The following CXCR6 variants were observed in gnomAD, a reference collection of about 807,000 sequenced individuals.
The protein encoded by CXCR6 is C-X-C chemokine receptor type 6.
In CXCR6, 3 loss-of-function variants were observed where a neutral mutation model predicts 1.6. The ratio of observed to expected loss-of-function variants is 1.83; its 90% CI spans 0.83 to 4.72. CXCR6 has a LOEUF of 4.72. Among genes scored for constraint, CXCR6 ranks in the 30% most tolerant of loss-of-function variants. The pLI is 0.02. For missense variants in CXCR6, 326 were observed against 414.8 expected (o/e 0.79, Z 1.86); for synonymous variants, 171 against 159.2 (o/e 1.07, Z -0.56).
chr3:45,947,256 G>A lies in CXCR6; in HGVS notation c.775G>A (p.Glu259Lys). ...LMKFIRSTHW[E>K]YYAMTSFHYT... ...GAAGTTCATCCGCAGCACACACTGG[G>A]AATACTATGCCATGACCAGCTTTCA... The change falls in exon 2 of 2, where the codon GAA becomes AAA. Residue 259 changes from glutamate to lysine, a missense_variant. Transcript: ENST00000304552. 6.2e-7 allele frequency: 1 copy of A among 1,614,088 alleles called. No homozygotes were observed. The highest frequency in any genetic ancestry group is 1.6e-4 in the Middle Eastern group (1 of 6,062).
rs758002445 is a variant in CXCR6, at chr3:45,946,893, T to C, written c.412T>C (p.Tyr138His). 3 of 1,614,238 alleles carry C rather than the reference T, an allele frequency of 1.9e-6. No homozygotes were observed. Among genetic ancestry groups the C allele is most frequent in the South Asian group, 2.2e-5 (2 of 91,088 alleles). The part of the protein sequence containing the change: ...FIVVVKATKA[Y>H]NQQAKRMTWG... ...TGTAGTGGTTAAGGCCACCAAGGCC[T>C]ACAACCAGCAAGCCAAGAGGATGAC... Residue 138 changes from tyrosine (Y) to histidine (H), a missense_variant, in exon 2 of 2, where the codon TAC (tyrosine) becomes CAC (histidine). Coordinates refer to ENST00000304552, the MANE Select transcript of CXCR6 (RefSeq NM_006564.2).
chr3:45,942,894 T>A (rs1440271531), upstream of CXCR6, among the ~76,000 whole-genome samples: 2 of 152,186 alleles, frequency 1.3e-5, no homozygotes, highest in African/African-American at 4.8e-5. Flanking sequence ...GGCAGACCCA[T>A]CATCATGCTG....
chr3:45,946,323 A>T, intron 1 of CXCR6, 138 bp from the exon 2 acceptor site: 1 of 629,630 alleles, frequency 1.6e-6, no homozygotes, highest in Non-Finnish European at 2.8e-6. Flanking sequence ...AATATACTGG[A>T]CTGTGCTGTT....
chr3:45,943,910 T>A (rs1423922869), intron 1 of CXCR6, among the ~76,000 whole-genome samples: 1 of 152,180 alleles, frequency 6.6e-6, no homozygotes, highest in Non-Finnish European at 1.5e-5. Context: ...TTTTATCAGA[T>A]TATCATTTAT....
At position 45,947,572 on chromosome 3, in the gene CXCR6, T is replaced by C; in HGVS notation, c.*62T>C. ...GCAAGTCATGGCTGTGCCCTCTTGA[T>C]GTGGTGAGGCAGGCTTTGTTTATAG... On this transcript the variant is annotated 3_prime_UTR_variant, in exon 2 of 2. Transcript: ENST00000304552. 1 of 1,304,028 alleles carries C rather than the reference T, an allele frequency of 7.7e-7. No individual in the cohort carries two copies. The highest frequency in any genetic ancestry group is 1.3e-5 in the South Asian group (1 of 78,480). The allele number at this position is 1,304,028 out of a possible 1,614,324, so 80.8% of individuals were successfully genotyped here. A position where few individuals can be genotyped will look rare whatever the true frequency, so the allele number is the denominator to read the frequency against.
In CXCR6 at chr3:45,946,208, T is replaced by C; in HGVS notation, c.-21-253T>C. 3 of 403,402 alleles carry C rather than the reference T, an allele frequency of 7.4e-6. No individual in the cohort carries two copies. In the South Asian group the frequency reaches 1.1e-4, roughly 15 times the overall value. The allele number at this position is 403,402 out of a possible 1,614,324, so 25.0% of individuals were successfully genotyped here. A position where few individuals can be genotyped will look rare whatever the true frequency, so the allele number is the denominator to read the frequency against. On this transcript the variant is annotated intron_variant, in intron 1 of 1. Coordinates refer to ENST00000304552, the MANE Select transcript of CXCR6 (RefSeq NM_006564.2). ...GGATTTTATGGAATGTGCTTAGGGG[T>C]CAGTTATGAGTTGTCTCCCAGATGG...
intron 1 of CXCR6, among the ~76,000 whole-genome samples, chr3:45,943,994 G>A (rs1704416330): frequency 6.6e-6 from 1 of 152,108 alleles, no homozygotes. Flanking sequence ...GAAGAAATAA[G>A]TCACCCATAA....
In CXCR6 at chr3:45,947,171, A is replaced by C. The variant is rs759124870; in HGVS notation, c.690A>C (p.Leu230=). 15 of 1,614,056 alleles carry C rather than the reference A, an allele frequency of 9.3e-6. No individual in the cohort carries two copies. Among genetic ancestry groups the C allele is most frequent in the Admixed American group, 1.7e-5 (1 of 59,996 alleles). The change falls in exon 2 of 2, where the codon CTA becomes CTC. Residue 230 remains leucine, a synonymous_variant. Transcript: ENST00000304552. ...GAGGCTTCCAGAAGCACAGATCTCT[A>C]AAGATCATCTTCCTGGTGATGGCTG... ...HAGGFQKHRS[L]KIIFLVMAVF...
intron 1 of CXCR6, among the ~76,000 whole-genome samples, chr3:45,944,476 G>A (rs1704454884): frequency 6.6e-6 from 1 of 151,956 alleles, no homozygotes; most frequent in Non-Finnish European, 1.5e-5. Flanking sequence ...TGTATGAATT[G>A]TAATTTGCTT....
chr3:45,947,518 C>T lies in CXCR6; in HGVS notation c.*8C>T, dbSNP rs376882050. On this transcript the variant is annotated 3_prime_UTR_variant, in exon 2 of 2. Transcript: ENST00000304552. ...AGCATGTTCCAGTTATAGGCCTTGC[C>T]AGGGTTTCGAGAAGCTGCTCTGGAA... The T allele has an allele frequency of 7.5e-6, 12 of 1,607,086 alleles. No homozygotes were observed. The Admixed American group carries it at 1.5e-4, about 20-fold the overall frequency.
intron 1 of CXCR6, 100 bp from the exon 2 acceptor site, chr3:45,946,361 A>T: frequency 1.2e-6 from 1 of 822,784 alleles, no homozygotes; most frequent in Admixed American, 2.3e-5. Context: ...GTGGGTTTAG[A>T]AGATGACTAT....
rs994393475 is a variant in CXCR6, at chr3:45,948,115, C to T, written c.*605C>T. On this transcript the variant is annotated 3_prime_UTR_variant, in exon 2 of 2. Transcript: ENST00000304552. Reference sequence around the variant, plus strand: ...ACTGAATTATAAGAGGCTGATAATTCCAGTGGTCCATGGAATGCTTGAAAA... The same window carrying T: ...ACTGAATTATAAGAGGCTGATAATTTCAGTGGTCCATGGAATGCTTGAAAA... 2 of 167,332 alleles carry T rather than the reference C, an allele frequency of 1.2e-5. No homozygotes were observed. Among genetic ancestry groups the T allele is most frequent in the African/African-American group, 4.8e-5 (2 of 41,434 alleles). 10.4% of individuals were successfully genotyped at this position (167,332 alleles called of 1,614,324 possible). A position where few individuals can be genotyped will look rare whatever the true frequency, so the allele number is the denominator to read the frequency against.
In CXCR6 at chr3:45,947,404, G is replaced by A. The variant is rs1704690719; in HGVS notation, c.923G>A (p.Cys308Tyr). 3 of 1,614,096 alleles carry A rather than the reference G, an allele frequency of 1.9e-6. No homozygotes were observed. The highest frequency in any genetic ancestry group is 1.7e-6 in the Non-Finnish European group (2 of 1,180,048). Residue 308 changes from cysteine to tyrosine, a missense_variant, in exon 2 of 2, where the codon TGC becomes TAC. Coordinates refer to ENST00000304552, the MANE Select transcript of CXCR6 (RefSeq NM_006564.2). Reference sequence around the variant, plus strand: ...TGGAAACTTGTGAAGGACATTGGTTGCCTCCCTTACCTTGGGGTCTCACAT... The same window carrying A: ...TGGAAACTTGTGAAGGACATTGGTTACCTCCCTTACCTTGGGGTCTCACAT... ...NFWKLVKDIGCLPYLGVSHQW... is the reference protein window; with the variant it reads ...NFWKLVKDIGYLPYLGVSHQW...
In CXCR6 at chr3:45,947,843, G is replaced by A; in HGVS notation, c.*333G>A. On this transcript the variant is annotated 3_prime_UTR_variant, in exon 2 of 2. Transcript: ENST00000304552. Reference sequence around the variant, plus strand: ...CTGGGGCTGAAGGTTGAAGAGGTGAGCACGGCCAACAAAGCTGTTGATGGT... The same window carrying A: ...CTGGGGCTGAAGGTTGAAGAGGTGAACACGGCCAACAAAGCTGTTGATGGT... 3.5e-6 allele frequency: 1 copy of A among 287,604 alleles called. No individual in the cohort carries two copies. The highest frequency in any genetic ancestry group is 6.9e-6 in the Non-Finnish European group (1 of 143,902). 17.8% of individuals were successfully genotyped at this position (287,604 alleles called of 1,614,324 possible).
chr3:45,946,581 C>T lies in CXCR6; in HGVS notation c.100C>T (p.Leu34=). 6.2e-7 allele frequency: 1 copy of T among 1,614,222 alleles called. No homozygotes were observed. The highest frequency in any genetic ancestry group is 8.5e-7 in the Non-Finnish European group (1 of 1,180,048). The change falls in exon 2 of 2, where the codon CTG becomes TTG. Residue 34 remains leucine, a synonymous_variant. Coordinates refer to ENST00000304552, the MANE Select transcript of CXCR6 (RefSeq NM_006564.2). The part of the protein sequence containing the change: ...QDFLQFSKVF[L]PCMYLVVFVC... ...CTTCCTGCAGTTCAGCAAGGTCTTTCTGCCCTGCATGTACCTGGTGGTGTT... is the reference window on the plus strand; with the variant it reads ...CTTCCTGCAGTTCAGCAAGGTCTTTTTGCCCTGCATGTACCTGGTGGTGTT...
upstream of CXCR6, chr3:45,940,981 C>T (rs1704194421): frequency 6.6e-6 from 1 of 152,226 alleles, no homozygotes; most frequent in South Asian, 2.1e-4. Flanking sequence ...GCTTATAGAA[C>T]AATTGTTCCT....
At chr3:45,944,572 A>G (rs1559447706) in intron 1 of CXCR6, among the ~76,000 whole-genome samples, 1 of 152,162 alleles carries the variant, frequency 6.6e-6, no homozygotes, top group Non-Finnish European at 1.5e-5. Flanking sequence ...TTAATTATAG[A>G]GGATAAAGAA....
chr3:45,947,034 G>A lies in CXCR6; in HGVS notation c.553G>A (p.Glu185Lys), dbSNP rs1704660934. 12 of 1,614,024 alleles carry A rather than the reference G, an allele frequency of 7.4e-6. No individual in the cohort carries two copies. Among genetic ancestry groups the A allele is most frequent in the South Asian group, 3.3e-5 (3 of 91,076 alleles). The change falls in exon 2 of 2, where the codon GAG becomes AAG. Residue 185 changes from glutamate to lysine, a missense_variant. Physicochemically the swap from Glu to Lys is moderately conservative, Grantham distance 56. Coordinates refer to ENST00000304552, the MANE Select transcript of CXCR6 (RefSeq NM_006564.2). ...CAAGCTCATATGTGGTTACCATGAC[G>A]AGGCAATTTCCACTGTGGTTCTTGC... is the stretch of plus-strand genomic sequence containing the variant. ...LDKLICGYHDEAISTVVLATQ... is the reference protein window; with the variant it reads ...LDKLICGYHDKAISTVVLATQ...
upstream of CXCR6, among the ~76,000 whole-genome samples, chr3:45,941,901 G>A (rs780930373): frequency 1.3e-5 from 2 of 152,212 alleles, no homozygotes; most frequent in South Asian, 4.1e-4. Flanking sequence ...GTCAGGCAGG[G>A]TTACATTAAA....
Sources: allele counts gnomAD v4.1 joint callset (sites outside exome capture counted in the v4.1 genomes callset), GRCh38; gene constraint gnomAD v4.1.1; transcripts MANE v1.5; gene names NCBI Gene and HGNC (gene_info 2026-07-23, HGNC 2026-07-21).